Variants in MFHAS1 observed in about 807,000 individuals in gnomAD.
MFHAS1 encodes malignant fibrous histiocytoma-amplified sequence 1.
MFHAS1 carries 50 observed loss-of-function variants against 70.4 expected under a neutral mutation model. That is an observed-to-expected ratio of 0.71 (90% CI 0.57 to 0.90). The LOEUF is 0.90. MFHAS1 is among the 40% of genes least tolerant of loss of function. The pLI is 0.00. For synonymous variants in MFHAS1, 952 were observed against 620.0 expected (o/e 1.54, Z -7.96); for missense variants, 1,795 against 1,347.6 (o/e 1.33, Z -5.20).
Position 8,893,337 on chromosome 8 carries a change from C to G in MFHAS1, c.-279G>C, listed in dbSNP as rs1305407565. 6.8e-6 allele frequency: 1 copy of G among 146,306 alleles called. No individual in the cohort carries two copies. The highest frequency in any genetic ancestry group is 1.5e-5 in the Non-Finnish European group (1 of 66,074). 9.1% of individuals were successfully genotyped at this position (146,306 alleles called of 1,614,324 possible). A position where few individuals can be genotyped will look rare whatever the true frequency, so the allele number is the denominator to read the frequency against. ...GGCAGCAGGGCCGCCGCCCGCGCGC[C>G]GCGGAGGATGCCTGCTCCTCCTCCC... is the stretch of plus-strand genomic sequence containing the variant. On this transcript the variant is annotated 5_prime_UTR_variant, in exon 1 of 3. Transcript: ENST00000276282.
At chr8:8,833,988 T>C (rs1362862976) in intron 1 of MFHAS1, among the ~76,000 whole-genome samples, 10 of 152,110 alleles carry the variant, frequency 6.6e-5, no homozygotes, top group South Asian at 2.1e-4. Flanking sequence ...TAGCTGGGCA[T>C]GGTGGTACAT....
At chr8:8,859,172 G>A (rs1808567404) in intron 1 of MFHAS1, among the ~76,000 whole-genome samples, 1 of 152,188 alleles carries the variant, frequency 6.6e-6, no homozygotes, top group Non-Finnish European at 1.5e-5. Flanking sequence ...GGCCAACATG[G>A]CGAAACCCCG....
rs540372671 is a variant in MFHAS1 at position 8,784,988 on chromosome 8, C to G, written c.*1034G>C. Reference sequence around the variant, plus strand: ...AGTGAATGTAACTGGAGCCTAAATTCACAACCTTAAGATCTGACAGCCAGA... The same window carrying G: ...AGTGAATGTAACTGGAGCCTAAATTGACAACCTTAAGATCTGACAGCCAGA... On this transcript the variant is annotated 3_prime_UTR_variant, in exon 3 of 3. Transcript: ENST00000276282. 4 of 152,176 alleles carry G rather than the reference C, an allele frequency of 2.6e-5. No individual in the cohort carries two copies. The highest frequency in any genetic ancestry group is 5.9e-5 in the Non-Finnish European group (4 of 68,042). 9.4% of individuals were successfully genotyped at this position (152,176 alleles called of 1,614,324 possible). A position where few individuals can be genotyped will look rare whatever the true frequency, so the allele number is the denominator to read the frequency against.
chr8:8,852,207 G>A (rs932628840), intron 1 of MFHAS1, among the ~76,000 whole-genome samples: 6 of 152,198 alleles, frequency 3.9e-5, no homozygotes, highest in Non-Finnish European at 7.3e-5. Flanking sequence ...TCCAGGTGCG[G>A]TGACTCACAC....
chr8:8,785,853 C>T lies in MFHAS1; in HGVS notation c.*169G>A. 1 of 433,754 alleles carries T rather than the reference C, an allele frequency of 2.3e-6. No homozygotes were observed. Among genetic ancestry groups the T allele is most frequent in the Non-Finnish European group, 4.4e-6 (1 of 225,710 alleles). The allele number at this position is 433,754 out of a possible 1,614,324, so 26.9% of individuals were successfully genotyped here. A position where few individuals can be genotyped will look rare whatever the true frequency, so the allele number is the denominator to read the frequency against. On this transcript the variant is annotated 3_prime_UTR_variant, in exon 3 of 3. Coordinates refer to ENST00000276282, the MANE Select transcript of MFHAS1 (RefSeq NM_004225.3). ...TCTCGTCCATGCTTCCCCCCACCACCCCCTCCCCACCTCTTCCCCAGTCGT... is the reference window on the plus strand; with the variant it reads ...TCTCGTCCATGCTTCCCCCCACCACTCCCTCCCCACCTCTTCCCCAGTCGT...
At chr8:8,821,599 C>T (rs1806959708) in intron 1 of MFHAS1, among the ~76,000 whole-genome samples, 1 of 149,388 alleles carries the variant, frequency 6.7e-6, no homozygotes. Context: ...TTTTAAATAT[C>T]GCACAAAAAA....
chr8:8,837,103 T>C (rs1807625859), intron 1 of MFHAS1, among the ~76,000 whole-genome samples: 1 of 152,184 alleles, frequency 6.6e-6, no homozygotes, highest in Admixed American at 6.5e-5. Flanking sequence ...CCACAAATAT[T>C]TATTTAGCAT....
Position 8,891,481 on chromosome 8 carries a change from T to C in MFHAS1, c.1578A>G (p.Arg526=), listed in dbSNP as rs1198344743. The C allele has an allele frequency of 6.2e-7, 1 of 1,612,876 alleles. No homozygotes were observed. Among genetic ancestry groups the C allele is most frequent in the Non-Finnish European group, 8.5e-7 (1 of 1,180,018 alleles). The change falls in exon 1 of 3, where the codon AGA becomes AGG. Residue 526 remains arginine, a synonymous_variant. Coordinates refer to ENST00000276282, the MANE Select transcript of MFHAS1 (RefSeq NM_004225.3). The surrounding 1 kb of genome is among the most constrained non-coding windows in gnomAD (Gnocchi z 5.4). ...VGSFLHRVGA[R]VPHAVVCIVG... ...CGATGCACACCACCGCGTGGGGCACTCTCGCCCCGACCCGATGCAAGAAGG... is the reference window on the plus strand; with the variant it reads ...CGATGCACACCACCGCGTGGGGCACCCTCGCCCCGACCCGATGCAAGAAGG...
chr8:8,835,976 G>A (rs1166163950), intron 1 of MFHAS1, among the ~76,000 whole-genome samples: 2 of 152,222 alleles, frequency 1.3e-5, no homozygotes. Context: ...CAGGTAGGTG[G>A]TTGCCACACA....
At chr8:8,816,646 T>C (rs1806757323) in intron 1 of MFHAS1, among the ~76,000 whole-genome samples, 1 of 152,234 alleles carries the variant, frequency 6.6e-6, no homozygotes, top group Non-Finnish European at 1.5e-5. Flanking sequence ...GCTGAAGCTC[T>C]ACGCAAACAT....
intron 1 of MFHAS1, among the ~76,000 whole-genome samples, chr8:8,825,254 C>A (rs993456493): frequency 2.0e-5 from 3 of 152,314 alleles, no homozygotes; most frequent in Admixed American, 2.0e-4. Context: ...CTCACTGCAA[C>A]CTCCGCCTCC....
intron 1 of MFHAS1, among the ~76,000 whole-genome samples, chr8:8,874,848 A>T (rs903793408): frequency 6.6e-6 from 1 of 152,106 alleles, no homozygotes. Flanking sequence ...AGTATGATAG[A>T]CAAAAGGTTA....
At position 8,893,124 on chromosome 8, in the gene MFHAS1, C is replaced by A; in HGVS notation, c.-66G>T. On this transcript the variant is annotated 5_prime_UTR_variant, in exon 1 of 3. Transcript: ENST00000276282. The stretch of plus-strand genomic sequence containing the variant: ...CCCGCAGCTACATGCCGCGCCGCGC[C>A]CCGGGCCCTCCGGCTCCTGCCCCTG... The A allele has an allele frequency of 8.3e-7, 1 of 1,210,694 alleles. No homozygotes were observed. Among genetic ancestry groups the A allele is most frequent in the Non-Finnish European group, 1.1e-6 (1 of 932,418 alleles). The allele number at this position is 1,210,694 out of a possible 1,614,324, so 75.0% of individuals were successfully genotyped here.
chr8:8,788,307 G>A (rs1006734521), intron 2 of MFHAS1, among the ~76,000 whole-genome samples: 2 of 152,158 alleles, frequency 1.3e-5, no homozygotes, highest in African/African-American at 2.4e-5. Context: ...ATGAATGATG[G>A]GTCAGATGTG....
At chr8:8,798,053 C>G (rs1231512222) in intron 1 of MFHAS1, among the ~76,000 whole-genome samples, 2 of 152,182 alleles carry the variant, frequency 1.3e-5, no homozygotes, top group Non-Finnish European at 2.9e-5. Flanking sequence ...AGCAGATGCA[C>G]GACACAACAC....
In MFHAS1 at chr8:8,819,293, T is replaced by C. The variant is rs993498134; in HGVS notation, c.2999-21802A>G. ...ACAAATCTCTAGATTTTTTAAACCATAGAGCATTTCTTTAAGAATATCCAA... is the reference window on the plus strand; with the variant it reads ...ACAAATCTCTAGATTTTTTAAACCACAGAGCATTTCTTTAAGAATATCCAA... On this transcript the variant is annotated intron_variant, in intron 1 of 2. Transcript: ENST00000276282. 2.6e-5 allele frequency among the ~76,000 whole-genome samples: 4 copies of C among 152,288 alleles called. No individual in the cohort carries two copies. The East Asian group carries it at 5.8e-4, about 22-fold the overall frequency.
chr8:8,845,950 T>C (rs1254978875), intron 1 of MFHAS1, among the ~76,000 whole-genome samples: 1 of 151,948 alleles, frequency 6.6e-6, no homozygotes, highest in Non-Finnish European at 1.5e-5. Flanking sequence ...AACTCGATCC[T>C]CCAAACAGAT....
chr8:8,787,194 C>T (rs1205016201), intron 2 of MFHAS1, among the ~76,000 whole-genome samples: 2 of 151,948 alleles, frequency 1.3e-5, no homozygotes, highest in Non-Finnish European at 2.9e-5. Flanking sequence ...CATTCTCCTG[C>T]CTCAGCCTCC....
At chr8:8,870,044 C>A (rs551001523) in intron 1 of MFHAS1, among the ~76,000 whole-genome samples, 1 of 152,100 alleles carries the variant, frequency 6.6e-6, no homozygotes, top group Non-Finnish European at 1.5e-5. Context: ...TTTGACCCTT[C>A]AGTATTTTCC....
Sources: allele counts gnomAD v4.1 joint callset (sites outside exome capture counted in the v4.1 genomes callset), GRCh38; gene constraint gnomAD v4.1.1; non-coding constraint Gnocchi (gnomAD v3.1); transcripts MANE v1.5; gene names NCBI Gene and HGNC (gene_info 2026-07-23, HGNC 2026-07-21).